MYO7A: variants seen among roughly 807,000 people sequenced by gnomAD.
MYO7A encodes the protein myosin VIIA, also known as unconventional myosin-VIIa.
MYO7A carries 210 observed loss-of-function variants against 263.8 expected under a neutral mutation model. That is an observed-to-expected ratio of 0.80 (90% CI 0.71 to 0.89). MYO7A has a LOEUF of 0.89. MYO7A is among the 40% of genes least tolerant of loss of function. The pLI is 0.00. For synonymous variants in MYO7A, 1,239 were observed against 1,197.3 expected (o/e 1.03, Z -0.72); for missense variants, 2,820 against 2,968.3 (o/e 0.95, Z 1.16).
At chr11:77,184,322 T>A (rs1044325217) in intron 26 of MYO7A, among the ~76,000 whole-genome samples, 12 of 152,056 alleles carry the variant, frequency 7.9e-5, no homozygotes, top group African/African-American at 2.9e-4. Flanking sequence ...GGGTGTGGGG[T>A]GCAGGGTATC....
At position 77,138,562 on chromosome 11, in the gene MYO7A, C is replaced by T. The variant is rs139645433; in HGVS notation, c.19-4147C>T. Among the ~76,000 whole-genome samples the T allele has an allele frequency of 3.3e-4, 51 of 152,342 alleles. 1 individual carries two copies. In the East Asian group the frequency reaches 8.9e-3, roughly 27 times the overall value. On this transcript the variant is annotated intron_variant, in intron 2 of 48. Coordinates refer to ENST00000409709, the MANE Select transcript of MYO7A (RefSeq NM_000260.4). The surrounding 1 kb of genome is among the most constrained non-coding windows in gnomAD (Gnocchi z 4.9). ...CATGGACTGCGGCCCTAGGATGCCACCTGCGGTCTCTGACCTCCCCCAGTG... is the reference window on the plus strand; with the variant it reads ...CATGGACTGCGGCCCTAGGATGCCATCTGCGGTCTCTGACCTCCCCCAGTG...
At chr11:77,194,802 C>A (rs562001003) in intron 32 of MYO7A, among the ~76,000 whole-genome samples, 22 of 152,296 alleles carry the variant, frequency 1.4e-4, no homozygotes, top group African/African-American at 5.1e-4. Flanking sequence ...TTATAGCTTC[C>A]AGAGCTGCAG....
rs144394191 is a variant in MYO7A at position 77,140,643 on chromosome 11, C to A, written c.19-2066C>A. ...GCTCCAGGCCAGTGGGGAAGGGGAG[C>A]AGACCCTGTGTGGGGTGGCTGTCAG... On this transcript the variant is annotated intron_variant, in intron 2 of 48. Coordinates refer to ENST00000409709, the MANE Select transcript of MYO7A (RefSeq NM_000260.4). Among the ~76,000 whole-genome samples the A allele has an allele frequency of 7.5e-3, 1,140 of 152,338 alleles. 15 individuals are homozygous for A. The highest frequency in any genetic ancestry group is 0.026 in the African/African-American group (1,100 of 41,592).
At chr11:77,208,651 C>CCTCT in intron 43 of MYO7A, 46 bp from the exon 44 acceptor site, 1 of 1,518,564 alleles carries the variant, frequency 6.6e-7, no homozygotes, top group Non-Finnish European at 9.0e-7. Context: ...CGTGAGCACT[C>CCTCT]CTCTGTGCAG....
intron 32 of MYO7A, 42 bp from the exon 33 acceptor site, chr11:77,197,439 T>C: frequency 6.9e-7 from 1 of 1,448,160 alleles, no homozygotes; most frequent in Non-Finnish European, 9.4e-7. Flanking sequence ...GCAAACTCAC[T>C]CGTATGTTGT....
rs1302543317 is a variant in MYO7A at position 77,156,658 on chromosome 11, A to C, written c.471-2A>C. The C allele has an allele frequency of 2.5e-6, 4 of 1,613,662 alleles. No individual in the cohort carries two copies. The highest frequency in any genetic ancestry group is 3.4e-6 in the Non-Finnish European group (4 of 1,179,804). On this transcript the variant is annotated splice_acceptor_variant, in intron 5 of 48. Coordinates refer to ENST00000409709, the MANE Select transcript of MYO7A (RefSeq NM_000260.4). LOFTEE classifies it high-confidence loss of function. The stretch of plus-strand genomic sequence containing the variant: ...AGGTCCTGCCACTCCCTCCCTCTGC[A>C]GTGGGGAATCTGGGGCCGGGAAGAC...
rs1555063786 is a variant in MYO7A, at chr11:77,157,270, C to T, written c.736-9C>T. The T allele has an allele frequency of 5.0e-6, 8 of 1,601,166 alleles. No homozygotes were observed. The highest frequency in any genetic ancestry group is 3.4e-5 in the Admixed American group (2 of 58,172). On this transcript the variant is annotated splice_polypyrimidine_tract_variant and intron_variant, in intron 7 of 48. Transcript: ENST00000409709. Reference sequence around the variant, plus strand: ...CCCCTGGCCCCCAGCACTGTGCCCACATTTTCAGGCCCTGGATGAAAGGAA... The same window carrying T: ...CCCCTGGCCCCCAGCACTGTGCCCATATTTTCAGGCCCTGGATGAAAGGAA...
intron 15 of MYO7A, among the ~76,000 whole-genome samples, chr11:77,169,481 T>A (rs1953875254): frequency 6.6e-6 from 1 of 152,238 alleles, no homozygotes; most frequent in Non-Finnish European, 1.5e-5. Flanking sequence ...TGTCACGCTC[T>A]GGGGTCTTCC....
chr11:77,160,285 G>C lies in MYO7A; in HGVS notation c.1200+3G>C. ...ACGTGCGCGACGCCTTCGTAAAGGT[G>C]GGCTGGAGGGAAGGGGCCGCTTGCT... is the stretch of plus-strand genomic sequence containing the variant. On this transcript the variant is annotated splice_donor_region_variant and intron_variant, in intron 11 of 48. Transcript: ENST00000409709. 6.4e-7 allele frequency: 1 copy of C among 1,556,340 alleles called. No individual in the cohort carries two copies. The highest frequency in any genetic ancestry group is 8.7e-7 in the Non-Finnish European group (1 of 1,150,968).
At chr11:77,151,308 G>C (rs35163574) in intron 4 of MYO7A, among the ~76,000 whole-genome samples, 13,589 of 152,312 alleles carry the variant, frequency 0.089, 719 homozygotes, top group Middle Eastern at 0.23. Flanking sequence ...CAGTCTTGGC[G>C]TGTGCCCTTG....
chr11:77,170,206 TG>T (rs1445397764), intron 15 of MYO7A, among the ~76,000 whole-genome samples: 5 of 151,878 alleles, frequency 3.3e-5, no homozygotes, highest in African/African-American at 9.7e-5. Flanking sequence ...AGTGGTGTGG[TG>T]GGTGCGGTCA....
At chr11:77,182,217 C>A in intron 24 of MYO7A, 63 bp downstream of exon 24, 1 of 1,587,380 alleles carries the variant, frequency 6.3e-7, no homozygotes, top group Non-Finnish European at 8.6e-7. Flanking sequence ...ATGGACTCTG[C>A]TGCTGGTGGT....
At position 77,211,458 on chromosome 11, in the gene MYO7A, TTGA is replaced by T. The variant is rs988737598; in HGVS notation, c.6237+125_6237+127del. 43 of 1,141,152 alleles carry T rather than the reference TTGA, an allele frequency of 3.8e-5. No homozygotes were observed. The African/African-American group carries it at 6.1e-4, about 16-fold the overall frequency. 70.7% of individuals were successfully genotyped at this position (1,141,152 alleles called of 1,614,324 possible). On this transcript the variant is annotated intron_variant, in intron 45 of 48. Coordinates refer to ENST00000409709, the MANE Select transcript of MYO7A (RefSeq NM_000260.4). ...GAGGTGCATCTTGTGGTTCTTGTAC[TTGA>T]TGAGGCCGCCCACCCTTGTTCCTCC...
At chr11:77,180,513 T>A in intron 22 of MYO7A, 32 bp downstream of exon 22, 5 of 1,583,986 alleles carry the variant, frequency 3.2e-6, no homozygotes, top group Non-Finnish European at 4.3e-6. Flanking sequence ...ACCTTAGGTG[T>A]CCACTTGCTG....
In MYO7A at chr11:77,198,505, C is replaced by G. The variant is rs1476470087; in HGVS notation, c.4452C>G (p.Leu1484=). 1 of 1,613,842 alleles carries G rather than the reference C, an allele frequency of 6.2e-7. No homozygotes were observed. The change falls in exon 34 of 49, where the codon CTC becomes CTG. Residue 1484 remains leucine (L), a synonymous_variant. Coordinates refer to ENST00000409709, the MANE Select transcript of MYO7A (RefSeq NM_000260.4). Reference sequence around the variant, plus strand: ...TTGGTCTCGTCCCAGGCCCCAGTCTCCCCAAGAACGACGTCATCGTGGCCG... The same window carrying G: ...TTGGTCTCGTCCCAGGCCCCAGTCTGCCCAAGAACGACGTCATCGTGGCCG... The part of the protein sequence containing the change: ...YEAYKFSGPS[L]PKNDVIVAVN...
At chr11:77,141,818 C>T (rs1951227863) in intron 2 of MYO7A, among the ~76,000 whole-genome samples, 1 of 152,208 alleles carries the variant, frequency 6.6e-6, no homozygotes, top group Non-Finnish European at 1.5e-5. Context: ...GGTTGGTTGG[C>T]TCTGTCATTC....
chr11:77,134,354 G>A (rs1828830165), intron 2 of MYO7A, among the ~76,000 whole-genome samples: 1 of 152,000 alleles, frequency 6.6e-6, no homozygotes, highest in Non-Finnish European at 1.5e-5. Context: ...TGTCCAAATT[G>A]CATCTTTATA....
At chr11:77,160,893 C>A in intron 11 of MYO7A, 80 bp from the exon 12 acceptor site, 1 of 1,506,930 alleles carries the variant, frequency 6.6e-7, no homozygotes, top group Non-Finnish European at 9.0e-7. Flanking sequence ...GCTGGAGCGA[C>A]ACCACGAAGG....
chr11:77,135,757 TTTGTTTTG>T (rs1591175000), intron 2 of MYO7A, among the ~76,000 whole-genome samples: 1 of 126,388 alleles, frequency 7.9e-6, no homozygotes, highest in Non-Finnish European at 1.6e-5. Context: ...TTTGTTTTGT[TTTGTTTTG>T]TAATAGCCAT....
Sources: gnomAD v4.1 joint callset for allele counts (sites outside exome capture counted in the v4.1 genomes callset) on GRCh38, gnomAD v4.1.1 for gene constraint, Gnocchi (gnomAD v3.1) non-coding constraint, MANE v1.5 for transcripts, NCBI Gene and HGNC (gene_info 2026-07-23, HGNC 2026-07-21) for gene names.